The following LRRTM4 variants were observed in gnomAD, a reference collection of about 807,000 sequenced individuals.
The protein encoded by LRRTM4 is leucine-rich repeat transmembrane neuronal protein 4.
Under a neutral mutation model 47.6 loss-of-function variants are expected in LRRTM4, and 25 were observed. The ratio of observed to expected loss-of-function variants is 0.53; its 90% CI spans 0.38 to 0.73. The LOEUF (loss-of-function observed/expected upper bound fraction) is 0.73. Among genes scored for constraint, LRRTM4 ranks in the 30% least tolerant of loss-of-function variants. The pLI is 0.00. For synonymous variants in LRRTM4, 311 were observed against 269.5 expected (o/e 1.15, Z -1.51); for missense variants, 638 against 713.4 (o/e 0.89, Z 1.20).
intron 3 of LRRTM4, among the ~76,000 whole-genome samples, chr2:76,791,173 A>C (rs1674950557): frequency 6.6e-6 from 1 of 152,130 alleles, no homozygotes. Flanking sequence ...AAATGATAGA[A>C]CCACAGGGCA....
In LRRTM4 at chr2:77,457,022, A is replaced by G. The variant is rs1360298639; in HGVS notation, c.1551+61296T>C. ...TGTGTGTGTATATATATATATATAT[A>G]TATATATATATATATATATATATAT... On this transcript the variant is annotated intron_variant, in intron 3 of 3. Coordinates refer to ENST00000409884, the MANE Select transcript of LRRTM4 (RefSeq NM_001134745.3). 1.9e-4 allele frequency among the ~76,000 whole-genome samples: 4 copies of G among 20,730 alleles called. No individual in the cohort carries two copies. In the South Asian group the frequency reaches 3.5e-3, roughly 18 times the overall value. 13.6% of individuals were successfully genotyped at this position (20,730 alleles called of 152,430 possible).
chr2:77,406,614 T>C (rs438859), intron 3 of LRRTM4, among the ~76,000 whole-genome samples: 52,271 of 151,640 alleles, frequency 0.34, 9,618 homozygotes, highest in East Asian at 0.51. Context: ...CATGCTCTCT[T>C]TTAGTAATAT....
intron 3 of LRRTM4, among the ~76,000 whole-genome samples, chr2:77,199,964 A>G (rs2103897280): frequency 6.6e-6 from 1 of 152,170 alleles, no homozygotes; most frequent in East Asian, 1.9e-4. Context: ...GTTTCAACAA[A>G]AGTTGCTAAG....
Position 76,832,567 on chromosome 2 carries a change from T to C in LRRTM4, c.1552-83651A>G, listed in dbSNP as rs373807947. ...AGGATGAATGAATATTTTTATCTTT[T>C]CTATTAGAGTTTGCATTTTCTCAAC... On this transcript the variant is annotated intron_variant, in intron 3 of 3. Transcript: ENST00000409884. Among the ~76,000 whole-genome samples the C allele has an allele frequency of 7.9e-5, 12 of 151,822 alleles. No individual in the cohort carries two copies. The South Asian group carries it at 2.5e-3, about 32-fold the overall frequency.
intron 3 of LRRTM4, among the ~76,000 whole-genome samples, chr2:76,832,173 T>A (rs186566043): frequency 6.6e-6 from 1 of 152,116 alleles, no homozygotes; most frequent in Non-Finnish European, 1.5e-5. Flanking sequence ...TTTTATTTTA[T>A]CTTATTTGCC....
intron 3 of LRRTM4, among the ~76,000 whole-genome samples, chr2:77,012,120 A>G (rs944429478): frequency 2.0e-5 from 3 of 152,138 alleles, no homozygotes; most frequent in Admixed American, 6.6e-5. Context: ...CTGAAACCAT[A>G]CAGGGAATGA....
chr2:77,382,603 A>G (rs745691185), intron 3 of LRRTM4, among the ~76,000 whole-genome samples: 7 of 152,060 alleles, frequency 4.6e-5, no homozygotes, highest in Non-Finnish European at 7.4e-5. Context: ...TTATTTTCCT[A>G]TTGTCTGCTT....
intron 3 of LRRTM4, among the ~76,000 whole-genome samples, chr2:77,509,193 T>C (rs1297634755): frequency 2.0e-5 from 3 of 147,740 alleles, no homozygotes; most frequent in Admixed American, 1.4e-4. Flanking sequence ...GATGGCACAA[T>C]TGCACTCCAG....
At chr2:77,100,298 A>G (rs1243556623) in intron 3 of LRRTM4, among the ~76,000 whole-genome samples, 1 of 152,226 alleles carries the variant, frequency 6.6e-6, no homozygotes, top group Admixed American at 6.5e-5. Flanking sequence ...TTCTCCAGAA[A>G]CTAGACTTCA....
chr2:77,377,636 G>A (rs1339654865), intron 3 of LRRTM4, among the ~76,000 whole-genome samples: 2 of 151,790 alleles, frequency 1.3e-5, no homozygotes, highest in Admixed American at 6.6e-5. Context: ...AATACTAATC[G>A]GGTTAAATAA....
intron 3 of LRRTM4, among the ~76,000 whole-genome samples, chr2:77,306,402 T>A (rs1003339761): frequency 6.6e-6 from 1 of 152,216 alleles, no homozygotes; most frequent in African/African-American, 2.4e-5. Context: ...AGCATGGCTT[T>A]TGGATATTGC....
chr2:76,766,267 C>T (rs749053987), intron 3 of LRRTM4, among the ~76,000 whole-genome samples: 4 of 152,162 alleles, frequency 2.6e-5, no homozygotes, highest in Non-Finnish European at 4.4e-5. Context: ...TGCTAAGTTA[C>T]ATTTAACATA....
chr2:76,987,540 CTGTG>C (rs1400036083), intron 3 of LRRTM4: 3 of 151,882 alleles, frequency 2.0e-5, no homozygotes, highest in South Asian at 4.2e-4. Context: ...TAAGTTTCAC[CTGTG>C]TGTGTATGTT....
chr2:77,289,865 C>T (rs1357876868), intron 3 of LRRTM4, among the ~76,000 whole-genome samples: 1 of 151,932 alleles, frequency 6.6e-6, no homozygotes, highest in Non-Finnish European at 1.5e-5. Context: ...AATAGTGTCC[C>T]TTTAGCCTTC....
intron 3 of LRRTM4, among the ~76,000 whole-genome samples, chr2:76,979,970 G>A (rs1326295349): frequency 1.3e-5 from 2 of 151,914 alleles, no homozygotes; most frequent in African/African-American, 4.8e-5. Flanking sequence ...CAGAGCCCCT[G>A]GCCACAGATG....
intron 3 of LRRTM4, among the ~76,000 whole-genome samples, chr2:77,022,457 C>T (rs1196722960): frequency 6.6e-6 from 1 of 152,110 alleles, no homozygotes; most frequent in African/African-American, 2.4e-5. Flanking sequence ...AGCATTAACC[C>T]AAAAGTCCAC....
At chr2:77,208,451 C>T (rs1040245758) in intron 3 of LRRTM4, among the ~76,000 whole-genome samples, 1 of 152,052 alleles carries the variant, frequency 6.6e-6, no homozygotes, top group African/African-American at 2.4e-5. Context: ...ATCCAGAGCA[C>T]ATGTGAAGAT....
chr2:76,752,922 A>G (rs1573051305), intron 3 of LRRTM4, among the ~76,000 whole-genome samples: 2 of 152,206 alleles, frequency 1.3e-5, no homozygotes, highest in African/African-American at 4.8e-5. Context: ...AACACTATTT[A>G]AAGATGTCCT....
chr2:77,062,578 C>T (rs1251746655), intron 3 of LRRTM4, among the ~76,000 whole-genome samples: 5 of 152,210 alleles, frequency 3.3e-5, no homozygotes, highest in African/African-American at 1.2e-4. Flanking sequence ...TCTGCCTACT[C>T]AATATGCATA....
Sources: gnomAD v4.1 joint callset for allele counts (sites outside exome capture counted in the v4.1 genomes callset) on GRCh38, gnomAD v4.1.1 for gene constraint, MANE v1.5 for transcripts, NCBI Gene and HGNC (gene_info 2026-07-23, HGNC 2026-07-21) for gene names.